The following KHDC1 variants were observed in gnomAD, a reference collection of about 807,000 sequenced individuals.
KHDC1 encodes the protein KH domain containing 1.
A neutral mutation model predicts 24.7 loss-of-function variants in KHDC1; 21 were observed. The observed-to-expected ratio is 0.85, with a 90% CI of 0.60 to 1.23. KHDC1 has a LOEUF of 1.23. Ranked by LOEUF, KHDC1 falls within the 50% of genes most tolerant of loss-of-function variation. The probability of loss-of-function intolerance (pLI) is 0.00; values close to 1 mark genes in which losing one functional copy is unlikely to be tolerated. For synonymous variants in KHDC1, 98 were observed against 111.7 expected, an observed-to-expected ratio of 0.88 and a Z score of 0.77; for missense variants, 274 against 298.5, an observed-to-expected ratio of 0.92 and a Z score of 0.61.
At chr6:73,252,230 A>T (rs534980585) in intron 2 of KHDC1, among the ~76,000 whole-genome samples, 59 of 151,648 alleles carry the variant, frequency 3.9e-4, no homozygotes, top group Non-Finnish European at 7.5e-4. Flanking sequence ...TTTTGTAGAG[A>T]TGGGGGTCTC....
intron 2 of KHDC1, chr6:73,291,825 T>C (rs1767655711): frequency 1.5e-6 from 1 of 661,234 alleles, no homozygotes; most frequent in Non-Finnish European, 2.6e-6. Context: ...CAATGTTTAA[T>C]ATTTGTGTGA....
intron 2 of KHDC1, among the ~76,000 whole-genome samples, chr6:73,278,516 A>G (rs993123326): frequency 6.6e-6 from 1 of 152,172 alleles, no homozygotes; most frequent in African/African-American, 2.4e-5. Flanking sequence ...GAGCCACTGT[A>G]GTCTAGCCCT....
chr6:73,257,618 C>A (rs939510958), intron 2 of KHDC1, among the ~76,000 whole-genome samples: 2 of 151,938 alleles, frequency 1.3e-5, no homozygotes, highest in Non-Finnish European at 2.9e-5. Flanking sequence ...AGGATGGTCT[C>A]AATCTCCTGA....
intron 1 of KHDC1, among the ~76,000 whole-genome samples, chr6:73,297,701 T>C (rs1767781655): frequency 6.6e-6 from 1 of 152,158 alleles, no homozygotes; most frequent in South Asian, 2.1e-4. Flanking sequence ...CTTTTAAGTG[T>C]TCTTTCTTTT....
chr6:73,278,730 ATAAAT>A (rs945284570), intron 2 of KHDC1, among the ~76,000 whole-genome samples: 1 of 152,188 alleles, frequency 6.6e-6, no homozygotes, highest in Non-Finnish European at 1.5e-5. Flanking sequence ...TGTGCCTAAC[ATAAAT>A]TAAACTTTAT....
intron 1 of KHDC1, among the ~76,000 whole-genome samples, chr6:73,295,332 G>C (rs1767737840): frequency 6.6e-6 from 1 of 152,148 alleles, no homozygotes. Flanking sequence ...GCAGACTCGA[G>C]AGCCAATTAG....
At chr6:73,304,139 A>G (rs972105284) in intron 1 of KHDC1, among the ~76,000 whole-genome samples, 7 of 152,020 alleles carry the variant, frequency 4.6e-5, no homozygotes, top group Non-Finnish European at 1.0e-4. Flanking sequence ...AGATCATGCC[A>G]CTGCACACCA....
At chr6:73,281,034 C>A (rs1481710038) in intron 2 of KHDC1, among the ~76,000 whole-genome samples, 8 of 141,712 alleles carry the variant, frequency 5.6e-5, no homozygotes, top group Non-Finnish European at 1.1e-4. Context: ...CATGGGGAAA[C>A]CCTGTCTCTA....
chr6:73,262,956 T>C, intron 2 of KHDC1: 1 of 990,482 alleles, frequency 1.0e-6, no homozygotes, highest in Non-Finnish European at 1.2e-6. Context: ...CACAGGGGGG[T>C]CAGGTAGCCA....
chr6:73,258,284 A>G (rs1332464945), intron 2 of KHDC1, among the ~76,000 whole-genome samples: 1 of 152,094 alleles, frequency 6.6e-6, no homozygotes, highest in Non-Finnish European at 1.5e-5. Context: ...GTAAGTAAGT[A>G]GTAATTAAGC....
At chr6:73,296,580 A>T (rs1369400609) in intron 1 of KHDC1, among the ~76,000 whole-genome samples, 1 of 152,146 alleles carries the variant, frequency 6.6e-6, no homozygotes, top group Non-Finnish European at 1.5e-5. Flanking sequence ...GGTTGCAAAA[A>T]CTGATTTTAT....
chr6:73,273,550 C>T (rs1472631105), intron 2 of KHDC1, among the ~76,000 whole-genome samples: 2 of 151,800 alleles, frequency 1.3e-5, no homozygotes, highest in African/African-American at 4.8e-5. Flanking sequence ...GGCGCAGTGG[C>T]TCACGCCTGT....
intron 1 of KHDC1, among the ~76,000 whole-genome samples, chr6:73,307,153 G>A (rs889242506): frequency 5.3e-5 from 8 of 152,062 alleles, no homozygotes; most frequent in African/African-American, 1.4e-4. Context: ...TAGAGCAGCC[G>A]GGCAAGGTGG....
At chr6:73,298,212 A>G (rs1261847386) in intron 1 of KHDC1, among the ~76,000 whole-genome samples, 1 of 152,034 alleles carries the variant, frequency 6.6e-6, no homozygotes, top group Non-Finnish European at 1.5e-5. Context: ...GGTAGAACCC[A>G]ACTGGAGAGG....
chr6:73,262,327 C>T (rs554949854), intron 2 of KHDC1, among the ~76,000 whole-genome samples: 5 of 152,350 alleles, frequency 3.3e-5, no homozygotes, highest in South Asian at 2.1e-4. Flanking sequence ...ACCTTTCCTG[C>T]CCTTTTCCTC....
intron 2 of KHDC1, chr6:73,291,234 C>A: frequency 2.4e-6 from 1 of 420,714 alleles, no homozygotes; most frequent in South Asian, 1.8e-5. Flanking sequence ...GCTCAGACCA[C>A]TGAATGGGTA....
intron 2 of KHDC1, chr6:73,262,927 G>T: frequency 1.0e-6 from 1 of 988,520 alleles, no homozygotes; most frequent in Non-Finnish European, 1.2e-6. Flanking sequence ...CCCTTCACCG[G>T]ACTAACCGAG....
chr6:73,296,972 C>A (rs969790337), intron 1 of KHDC1, among the ~76,000 whole-genome samples: 1 of 152,144 alleles, frequency 6.6e-6, no homozygotes, highest in Non-Finnish European at 1.5e-5. Flanking sequence ...GCGATCTCAG[C>A]TCACTGCAAC....
chr6:73,288,907 C>G (rs973967743), intron 2 of KHDC1, among the ~76,000 whole-genome samples: 12 of 151,466 alleles, frequency 7.9e-5, no homozygotes, highest in African/African-American at 2.9e-4. Flanking sequence ...AGTAGACGGT[C>G]TTAAAGTTTT....
Sources: allele counts gnomAD v4.1 joint callset (sites outside exome capture counted in the v4.1 genomes callset), GRCh38; gene constraint gnomAD v4.1.1; transcripts MANE v1.5; gene names NCBI Gene and HGNC (gene_info 2026-07-23, HGNC 2026-07-21).